GALNT14: variants seen among roughly 807,000 people sequenced by gnomAD.
The protein encoded by GALNT14 is polypeptide N-acetylgalactosaminyltransferase 14, also known as UDP-GalNAc:polypeptide N-acetylgalactosaminyltransferase 14.
Under a neutral mutation model 77.5 loss-of-function variants are expected in GALNT14, and 60 were observed. The observed-to-expected ratio is 0.77, with a 90% CI of 0.63 to 0.96. The LOEUF is 0.96. Ranked by LOEUF, GALNT14 falls within the 40% of genes least tolerant of loss-of-function variation. The pLI is 0.00. For synonymous variants in GALNT14, 280 were observed against 281.7 expected (o/e 0.99, Z 0.06); for missense variants, 710 against 731.0 (o/e 0.97, Z 0.33).
chr2:31,106,779 A>G (rs550424993), intron 1 of GALNT14, among the ~76,000 whole-genome samples: 2 of 152,290 alleles, frequency 1.3e-5, no homozygotes, highest in Non-Finnish European at 2.9e-5. Flanking sequence ...CTTCCCCCTA[A>G]TATCATTGCT....
chr2:30,995,404 T>C (rs1222554497), intron 1 of GALNT14, among the ~76,000 whole-genome samples: 1 of 152,218 alleles, frequency 6.6e-6, no homozygotes, highest in East Asian at 1.9e-4. Context: ...AGCAACAGGC[T>C]ATACCTTACA....
chr2:30,980,292 C>T (rs75231944), intron 2 of GALNT14, among the ~76,000 whole-genome samples: 4,395 of 152,300 alleles, frequency 0.029, 242 homozygotes, highest in East Asian at 0.18. Context: ...GCCTTCCAGA[C>T]CTGCTTTGGC....
chr2:31,077,194 G>A (rs1382279840), intron 1 of GALNT14, among the ~76,000 whole-genome samples: 2 of 152,202 alleles, frequency 1.3e-5, no homozygotes, highest in Admixed American at 1.3e-4. Flanking sequence ...GGTACAAAGA[G>A]GTTAGGATAA....
intron 2 of GALNT14, among the ~76,000 whole-genome samples, chr2:30,983,518 G>A (rs909819676): frequency 6.6e-6 from 1 of 152,118 alleles, no homozygotes; most frequent in Non-Finnish European, 1.5e-5. Flanking sequence ...AACTTAGGGA[G>A]GGAGAAGGGA....
Position 31,023,447 on chromosome 2 carries a change from A to G in GALNT14, c.130-30440T>C, listed in dbSNP as rs114686320. Among the ~76,000 whole-genome samples, 1,162 of 152,058 alleles carry G rather than the reference A, an allele frequency of 7.6e-3. 10 individuals are homozygous for G. Among genetic ancestry groups the G allele is most frequent in the African/African-American group, 0.027 (1,101 of 41,454 alleles). ...CACTCCCATTAGCATACATGCGGTG[A>G]ATTTCCCATCTTTAAAATACCCTCC... On this transcript the variant is annotated intron_variant, in intron 1 of 14. Coordinates refer to ENST00000349752, the MANE Select transcript of GALNT14 (RefSeq NM_024572.4).
intron 6 of GALNT14, among the ~76,000 whole-genome samples, 153 bp downstream of exon 6, chr2:30,955,465 C>T (rs112513848): frequency 0.013 from 2,003 of 152,338 alleles, 39 homozygotes; most frequent in African/African-American, 0.046. Flanking sequence ...GGCTGCTCTA[C>T]CTTAGTTCCT....
intron 2 of GALNT14, among the ~76,000 whole-genome samples, chr2:30,987,706 TCCCTCCCCCTCC>T (rs72410495): frequency 0.41 from 50,575 of 124,656 alleles, 8,975 homozygotes; most frequent in South Asian, 0.54. Context: ...GCCTTCCTCC[TCCCTCCCCCTCC>T]TCCCCCTCCT....
chr2:30,974,531 C>A (rs1668530395), intron 2 of GALNT14, among the ~76,000 whole-genome samples: 2 of 152,244 alleles, frequency 1.3e-5, no homozygotes, highest in Non-Finnish European at 2.9e-5. Flanking sequence ...CCACATTCTG[C>A]TTCACCTGCT....
chr2:31,136,237 C>G (rs1334450706), intron 1 of GALNT14, among the ~76,000 whole-genome samples: 1 of 152,162 alleles, frequency 6.6e-6, no homozygotes, highest in Non-Finnish European at 1.5e-5. Context: ...GATTCTACCC[C>G]ACCCAGCCCC....
At chr2:31,137,029 G>A (rs554088557) in intron 1 of GALNT14, among the ~76,000 whole-genome samples, 8 of 152,272 alleles carry the variant, frequency 5.3e-5, no homozygotes, top group Non-Finnish European at 1.2e-4. Context: ...AAGACTGCCT[G>A]GCTGGCCAGG....
intron 1 of GALNT14, among the ~76,000 whole-genome samples, chr2:31,067,119 G>A (rs979609753): frequency 2.6e-5 from 4 of 151,996 alleles, no homozygotes; most frequent in African/African-American, 7.3e-5. Context: ...ATTACCTCCC[G>A]CCAGCCCAGG....
chr2:31,103,329 G>C (rs1054779267), intron 1 of GALNT14, among the ~76,000 whole-genome samples: 8 of 151,906 alleles, frequency 5.3e-5, no homozygotes, highest in Non-Finnish European at 1.2e-4. Context: ...TACATTACAA[G>C]CAAAGATAAA....
chr2:30,967,338 A>C (rs180856252), intron 2 of GALNT14, among the ~76,000 whole-genome samples: 1 of 152,342 alleles, frequency 6.6e-6, no homozygotes, highest in African/African-American at 2.4e-5. Flanking sequence ...TGTGGCCTAA[A>C]GCATTTAAGA....
intron 1 of GALNT14, among the ~76,000 whole-genome samples, chr2:31,130,736 G>GTA (rs1678935392): frequency 2.8e-5 from 1 of 35,640 alleles, no homozygotes; most frequent in Non-Finnish European, 5.8e-5. Flanking sequence ...GGGTACCTCT[G>GTA]TGTGTGTGTG....
chr2:30,980,001 G>T (rs1225481263), intron 2 of GALNT14, among the ~76,000 whole-genome samples: 1 of 152,190 alleles, frequency 6.6e-6, no homozygotes, highest in Non-Finnish European at 1.5e-5. Flanking sequence ...CACTGCAGTC[G>T]CCTCCTCGCT....
chr2:31,014,947 G>A (rs915472072), intron 1 of GALNT14, among the ~76,000 whole-genome samples: 12 of 152,120 alleles, frequency 7.9e-5, no homozygotes, highest in African/African-American at 2.9e-4. Flanking sequence ...GGAGGGAAGG[G>A]CTAAAGTTCT....
chr2:31,137,896 C>T lies in GALNT14; in HGVS notation c.129+62G>A, dbSNP rs1001728495. On this transcript the variant is annotated intron_variant, in intron 1 of 14. Coordinates refer to ENST00000349752, the MANE Select transcript of GALNT14 (RefSeq NM_024572.4). ...TTCCCGGGAGCCCGCAAACCCGGCACGCGGGCTGCGCGCCCTCCCGCAAGC... is the reference window on the plus strand; with the variant it reads ...TTCCCGGGAGCCCGCAAACCCGGCATGCGGGCTGCGCGCCCTCCCGCAAGC... 4 of 1,548,946 alleles carry T rather than the reference C, an allele frequency of 2.6e-6. No individual in the cohort carries two copies. The Admixed American group carries it at 7.9e-5, about 31-fold the overall frequency.
chr2:31,023,872 C>A (rs1452765284), intron 1 of GALNT14, among the ~76,000 whole-genome samples: 1 of 152,182 alleles, frequency 6.6e-6, no homozygotes, highest in African/African-American at 2.4e-5. Flanking sequence ...TACCTGACCT[C>A]ATTTAGTCCC....
chr2:30,982,670 G>A (rs1275203233), intron 2 of GALNT14, among the ~76,000 whole-genome samples: 1 of 152,194 alleles, frequency 6.6e-6, no homozygotes, highest in Non-Finnish European at 1.5e-5. Flanking sequence ...ACGGGCATAA[G>A]GGTGGCTTCT....
Sources: gnomAD v4.1 joint callset for allele counts (sites outside exome capture counted in the v4.1 genomes callset) on GRCh38, gnomAD v4.1.1 for gene constraint, MANE v1.5 for transcripts, NCBI Gene and HGNC (gene_info 2026-07-23, HGNC 2026-07-21) for gene names.